Variants in ANK3 observed in about 807,000 individuals in gnomAD.
ANK3 encodes ankyrin-3.
In ANK3, 57 loss-of-function variants were observed where a neutral mutation model predicts 370.9. The ratio of observed to expected loss-of-function variants is 0.15; its 90% CI spans 0.12 to 0.19. The LOEUF (loss-of-function observed/expected upper bound fraction) is 0.19. Among genes scored for constraint, ANK3 ranks in the 10% least tolerant of loss-of-function variants. ANK3 has a pLI of 1.00. For missense variants in ANK3, 4,439 were observed against 5,302.1 expected (o/e 0.84, Z 5.06); for synonymous variants, 1,929 against 1,946.3 (o/e 0.99, Z 0.23).
At chr10:60,173,279 C>T (rs2095842662) in intron 18 of ANK3, 93 bp from the exon 19 acceptor site, 1 of 1,022,588 alleles carries the variant, frequency 9.8e-7, no homozygotes, top group African/African-American at 1.6e-5. Flanking sequence ...TTTAACCTTT[C>T]TTTTTGAGCT....
At chr10:60,587,403 G>A (rs1166369900) in intron 2 of ANK3, among the ~76,000 whole-genome samples, 3 of 152,052 alleles carry the variant, frequency 2.0e-5, no homozygotes, top group Non-Finnish European at 4.4e-5. Context: ...TAATTCCTTA[G>A]GCTTAAAACT....
At chr10:60,105,520 G>A (rs899059952) in intron 28 of ANK3, among the ~76,000 whole-genome samples, 1 of 152,166 alleles carries the variant, frequency 6.6e-6, no homozygotes, top group Non-Finnish European at 1.5e-5. Context: ...AAAGCTGAAA[G>A]AGTCCAGAAA....
chr10:60,176,791 A>G (rs956452088), intron 18 of ANK3, among the ~76,000 whole-genome samples: 5 of 151,994 alleles, frequency 3.3e-5, no homozygotes, highest in East Asian at 1.9e-4. Context: ...AATAAACAAA[A>G]ACAAACAAAC....
chr10:60,539,719 A>T (rs1426047972), intron 2 of ANK3, among the ~76,000 whole-genome samples: 1 of 151,954 alleles, frequency 6.6e-6, no homozygotes, highest in East Asian at 1.9e-4. Context: ...TTCACCAGCC[A>T]CTAAAGTCCC....
At chr10:60,291,636 C>T (rs575912147) in intron 1 of ANK3, among the ~76,000 whole-genome samples, 8 of 152,124 alleles carry the variant, frequency 5.3e-5, no homozygotes, top group African/African-American at 1.2e-4. Flanking sequence ...CAAGCAAAGA[C>T]GGAGCAGTGT....
chr10:60,369,087 T>C (rs2059774938), intron 1 of ANK3, among the ~76,000 whole-genome samples: 1 of 150,372 alleles, frequency 6.7e-6, no homozygotes, highest in Admixed American at 6.6e-5. Flanking sequence ...ATCTAAATTA[T>C]ACTTCGGTTT....
chr10:60,135,924 C>A (rs928888194), intron 24 of ANK3, among the ~76,000 whole-genome samples: 1 of 151,906 alleles, frequency 6.6e-6, no homozygotes, highest in African/African-American at 2.4e-5. Context: ...CTCTTATCCC[C>A]AAACAACCAT....
intron 2 of ANK3, among the ~76,000 whole-genome samples, chr10:60,403,447 C>G (rs1271691515): frequency 6.6e-6 from 1 of 152,186 alleles, no homozygotes; most frequent in South Asian, 2.1e-4. Flanking sequence ...TGTAAAAATG[C>G]TTTACAAAAT....
At chr10:60,138,940 T>A in intron 24 of ANK3, 24 bp downstream of exon 24, 2 of 1,611,188 alleles carry the variant, frequency 1.2e-6, no homozygotes, top group Non-Finnish European at 8.5e-7. Context: ...AAATTAACTA[T>A]GAAAGACAGC....
At chr10:60,358,111 CACACACACAAACACACA>C (rs2058055165) in intron 1 of ANK3, among the ~76,000 whole-genome samples, 1 of 32,252 alleles carries the variant, frequency 3.1e-5, no homozygotes, top group Non-Finnish European at 7.7e-5. Context: ...CACACACACA[CACACACACAAACACACA>C]CACACACACA....
intron 1 of ANK3, among the ~76,000 whole-genome samples, chr10:60,306,975 C>A (rs879540749): frequency 2.0e-5 from 3 of 152,144 alleles, no homozygotes; most frequent in Non-Finnish European, 4.4e-5. Flanking sequence ...AGCGATCTAC[C>A]CGCCTCAGGC....
intron 2 of ANK3, among the ~76,000 whole-genome samples, chr10:60,475,476 G>T (rs7089985): frequency 0.51 from 77,867 of 151,884 alleles, 20,290 homozygotes; most frequent in Middle Eastern, 0.57. Context: ...ATTTCAGAGC[G>T]GACAATAGAA....
upstream of ANK3, among the ~76,000 whole-genome samples, chr10:60,390,165 G>A (rs181253813): frequency 4.1e-4 from 62 of 152,264 alleles, no homozygotes; most frequent in Non-Finnish European, 6.8e-4. Context: ...TGGAGATCCT[G>A]ACTGCATTAC....
intron 23 of ANK3, chr10:60,139,292 T>C: frequency 3.8e-6 from 2 of 522,434 alleles, no homozygotes; most frequent in Non-Finnish European, 6.5e-6. Flanking sequence ...TGAATTTAAG[T>C]AGCGGAAACA....
chr10:60,664,613 C>A (rs2078974591), intron 1 of ANK3, among the ~76,000 whole-genome samples: 1 of 152,116 alleles, frequency 6.6e-6, no homozygotes, highest in African/African-American at 2.4e-5. Flanking sequence ...TAGCAGAAGG[C>A]TCATGAGTTA....
intron 1 of ANK3, among the ~76,000 whole-genome samples, chr10:60,372,077 C>G (rs184036375): frequency 6.6e-6 from 1 of 152,114 alleles, no homozygotes; most frequent in African/African-American, 2.4e-5. Context: ...CTACACTTTA[C>G]CGCTGTTTAT....
At chr10:60,222,086 C>T (rs1272319615) in intron 8 of ANK3, among the ~76,000 whole-genome samples, 1 of 152,206 alleles carries the variant, frequency 6.6e-6, no homozygotes, top group African/African-American at 2.4e-5. Context: ...GTATTCTGAA[C>T]ACTGACTTCA....
chr10:60,254,663 T>C (rs536032248), intron 7 of ANK3, among the ~76,000 whole-genome samples: 78 of 152,356 alleles, frequency 5.1e-4, no homozygotes, highest in Non-Finnish European at 9.1e-4. Flanking sequence ...AACTTGCCCC[T>C]CTGCCTCTGA....
intron 1 of ANK3, among the ~76,000 whole-genome samples, chr10:60,626,276 G>A (rs1007805155): frequency 6.6e-5 from 10 of 152,030 alleles, no homozygotes; most frequent in Non-Finnish European, 1.3e-4. Flanking sequence ...CAATATCACA[G>A]TTTTAAGACA....
Sources: gnomAD v4.1 joint callset for allele counts (sites outside exome capture counted in the v4.1 genomes callset) on GRCh38, gnomAD v4.1.1 for gene constraint, MANE v1.5 for transcripts, NCBI Gene and HGNC (gene_info 2026-07-23, HGNC 2026-07-21) for gene names.